PCDHA3: variants seen among roughly 807,000 people sequenced by gnomAD.
The protein encoded by PCDHA3 is protocadherin alpha 3.
Under a neutral mutation model 62.2 loss-of-function variants are expected in PCDHA3, and 41 were observed. The observed-to-expected ratio is 0.66, with a 90% CI of 0.51 to 0.86. PCDHA3 has a LOEUF of 0.86. Ranked by LOEUF, PCDHA3 falls within the 40% of genes least tolerant of loss-of-function variation. PCDHA3 has a pLI of 0.00. For synonymous variants in PCDHA3, 640 were observed against 555.4 expected, an observed-to-expected ratio of 1.15 and a Z score of -2.14; for missense variants, 1,304 against 1,241.2, an observed-to-expected ratio of 1.05 and a Z score of -0.76.
chr5:140,850,218 G>T, intron 1 of PCDHA3: 1 of 1,593,686 alleles, frequency 6.3e-7, no homozygotes. Context: ...GGGCACTGAC[G>T]GCGCAGTGAG....
In PCDHA3 at chr5:140,839,923, A is replaced by G. The variant is rs2150301855; in HGVS notation, c.2394+36332A>G. ...TGAAGTAATAGAAGAAAAACCTTGAACAAAGAGTGTGCCAAGAAGGAGACA... is the reference window on the plus strand; with the variant it reads ...TGAAGTAATAGAAGAAAAACCTTGAGCAAAGAGTGTGCCAAGAAGGAGACA... On this transcript the variant is annotated intron_variant, in intron 1 of 3. Transcript: ENST00000522353. Among the ~76,000 whole-genome samples the G allele has an allele frequency of 3.2e-4, 49 of 152,178 alleles. No individual in the cohort carries two copies. In the South Asian group the frequency reaches 8.1e-3, roughly 25 times the overall value.
chr5:140,828,989 G>C, intron 1 of PCDHA3: 1 of 1,613,984 alleles, frequency 6.2e-7, no homozygotes, highest in South Asian at 1.1e-5. Context: ...TCGAAATACG[G>C]GAGAAATAGT....
intron 1 of PCDHA3, chr5:140,834,596 T>A: frequency 6.2e-7 from 1 of 1,613,722 alleles, no homozygotes; most frequent in South Asian, 1.1e-5. Context: ...GCAAATTCCG[T>A]GGGGATCTTC....
intron 1 of PCDHA3, among the ~76,000 whole-genome samples, chr5:140,943,274 A>G (rs1179008027): frequency 6.4e-5 from 9 of 141,284 alleles, no homozygotes; most frequent in Non-Finnish European, 1.0e-4. Flanking sequence ...AAAAAAAAAA[A>G]AAAGAAAGAA....
intron 3 of PCDHA3, among the ~76,000 whole-genome samples, chr5:140,993,344 A>G (rs1379621962): frequency 1.3e-5 from 2 of 152,022 alleles, no homozygotes; most frequent in Admixed American, 6.6e-5. Context: ...GAAGGGCACT[A>G]CGAAGATCCT....
At chr5:140,877,894 G>C (rs1186724493) in intron 1 of PCDHA3, 21 of 1,447,492 alleles carry the variant, frequency 1.5e-5, no homozygotes, top group African/African-American at 2.9e-5. Flanking sequence ...CTTCCGTTTA[G>C]GTTATAACTA....
chr5:140,866,152 G>A (rs955753225), intron 1 of PCDHA3: 31 of 152,098 alleles, frequency 2.0e-4, no homozygotes, highest in African/African-American at 7.5e-4. Flanking sequence ...AGTGATATAA[G>A]TAAGAATCGT....
At chr5:140,914,562 C>A (rs2076761052) in intron 1 of PCDHA3, among the ~76,000 whole-genome samples, 1 of 152,190 alleles carries the variant, frequency 6.6e-6, no homozygotes, top group East Asian at 1.9e-4. Flanking sequence ...AGAGTTTAGT[C>A]CATTTACATT....
chr5:140,939,195 C>T (rs1554212604), intron 1 of PCDHA3, among the ~76,000 whole-genome samples: 1 of 152,122 alleles, frequency 6.6e-6, no homozygotes, highest in East Asian at 1.9e-4. Flanking sequence ...GTTCATAAAA[C>T]AGAATGTCAC....
At chr5:140,816,574 A>G (rs1442058742) in intron 1 of PCDHA3, 2 of 150,942 alleles carry the variant, frequency 1.3e-5, no homozygotes, top group African/African-American at 4.9e-5. Context: ...CTGTTTTCTC[A>G]TATTCCTTAT....
At chr5:140,943,846 A>C (rs1209903373) in intron 1 of PCDHA3, among the ~76,000 whole-genome samples, 1 of 152,242 alleles carries the variant, frequency 6.6e-6, no homozygotes, top group African/African-American at 2.4e-5. Context: ...GTAAGATGTC[A>C]CAGAAGTCAA....
chr5:140,884,515 G>GCCTCTGATAAGCACAA, intron 1 of PCDHA3: 1 of 1,614,174 alleles, frequency 6.2e-7, no homozygotes. Flanking sequence ...GGAGTTGGTC[G>GCCTCTGATAAGCACAA]TACTCGCAGC....
intron 1 of PCDHA3, among the ~76,000 whole-genome samples, chr5:140,844,934 G>A (rs1554140786): frequency 6.7e-6 from 1 of 149,226 alleles, no homozygotes; most frequent in Admixed American, 6.7e-5. Context: ...GGGAATGAAC[G>A]ATTTCTGGGA....
intron 1 of PCDHA3, chr5:140,870,983 C>T (rs1554164955): frequency 1.2e-6 from 2 of 1,613,520 alleles, no homozygotes; most frequent in East Asian, 2.2e-5. Context: ...GGGCTGTACA[C>T]GGGCGAGATA....
intron 1 of PCDHA3, chr5:140,828,109 G>C: frequency 1.2e-6 from 2 of 1,611,506 alleles, no homozygotes; most frequent in East Asian, 4.5e-5. Flanking sequence ...TTACCCCGGA[G>C]GATAGATTGG....
chr5:140,855,868 A>C, intron 1 of PCDHA3: 1 of 837,366 alleles, frequency 1.2e-6, no homozygotes, highest in Non-Finnish European at 1.8e-6. Flanking sequence ...GCTGTCGTCC[A>C]CAAAATAGCT....
At position 140,928,315 on chromosome 5, in the gene PCDHA3, G is replaced by A. The variant is rs535660713; in HGVS notation, c.2395-50634G>A. On this transcript the variant is annotated intron_variant, in intron 1 of 3. Coordinates refer to ENST00000522353, the MANE Select transcript of PCDHA3 (RefSeq NM_018906.3). ...AGTGTTTGCCCAGGACCCCGACCTG[G>A]GGAAGAATGGCCTTGTCTCTTATGA... The A allele has an allele frequency of 1.3e-4, 210 of 1,614,054 alleles. No homozygotes were observed. Among genetic ancestry groups the A allele is most frequent in the Non-Finnish European group, 1.7e-4 (203 of 1,180,048 alleles).
rs2153793513 is a variant in PCDHA3, at chr5:140,972,346, C to T, written c.2395-6603C>T. Among the ~76,000 whole-genome samples, 6 of 151,468 alleles carry T rather than the reference C, an allele frequency of 4.0e-5. No homozygotes were observed. In the Middle Eastern group the frequency reaches 0.014, roughly 346 times the overall value. The stretch of plus-strand genomic sequence containing the variant: ...TTTTTTTTGGAAGAGATGGGGGTCT[C>T]ACTATGTTGCACATGCTGTTAGTAT... On this transcript the variant is annotated intron_variant, in intron 1 of 3. Transcript: ENST00000522353.
chr5:140,989,242 C>T (rs562894633), intron 3 of PCDHA3, among the ~76,000 whole-genome samples: 5 of 152,226 alleles, frequency 3.3e-5, no homozygotes, highest in African/African-American at 1.2e-4. Flanking sequence ...GTTTTAAGCC[C>T]CTTGTCAAAA....
Sources: allele counts gnomAD v4.1 joint callset (sites outside exome capture counted in the v4.1 genomes callset), GRCh38; gene constraint gnomAD v4.1.1; transcripts MANE v1.5; gene names NCBI Gene and HGNC (gene_info 2026-07-23, HGNC 2026-07-21).